CCSER1: variants seen among roughly 807,000 people sequenced by gnomAD.
The protein encoded by CCSER1 is serine-rich coiled-coil domain-containing protein 1.
Under a neutral mutation model 82.0 loss-of-function variants are expected in CCSER1, and 41 were observed. That is an observed-to-expected ratio of 0.50 (90% confidence interval 0.39 to 0.65). CCSER1 has a LOEUF of 0.65. CCSER1 is among the 30% of genes least tolerant of loss of function. The probability of loss-of-function intolerance (pLI) is 0.00; values close to 1 mark genes in which losing one functional copy is unlikely to be tolerated. For missense variants in CCSER1, 1,119 were observed against 1,064.2 expected (o/e 1.05, Z -0.72); for synonymous variants, 414 against 383.9 (o/e 1.08, Z -0.92).
At chr4:91,390,089 T>A (rs1751555046) in intron 10 of CCSER1, among the ~76,000 whole-genome samples, 1 of 152,056 alleles carries the variant, frequency 6.6e-6, no homozygotes, top group South Asian at 2.1e-4. Context: ...GAAAGGGACA[T>A]CCTTGCCTCG....
intron 10 of CCSER1, among the ~76,000 whole-genome samples, chr4:91,100,194 A>C (rs1018702563): frequency 6.6e-5 from 10 of 152,138 alleles, no homozygotes; most frequent in South Asian, 2.1e-4. Flanking sequence ...GCAAGATAAA[A>C]AAAAAATCAG....
rs145138919 is a variant in CCSER1, at chr4:90,531,895, T to C, written c.1724+63541T>C. ...GCATGACTTGTATAACAACATACTT[T>C]CAACAGTTTGTATCAAATGATTTGC... On this transcript the variant is annotated intron_variant, in intron 5 of 10. Coordinates refer to ENST00000509176, the MANE Select transcript of CCSER1 (RefSeq NM_001145065.2). Among the ~76,000 whole-genome samples the C allele has an allele frequency of 7.9e-3, 1,204 of 152,276 alleles. 16 individuals carry two copies. The highest frequency in any genetic ancestry group is 0.012 in the Non-Finnish European group (845 of 68,010).
chr4:90,897,328 A>G lies in CCSER1; in HGVS notation c.2095-26042A>G, dbSNP rs1281828683. Among the ~76,000 whole-genome samples, 5 of 151,828 alleles carry G rather than the reference A, an allele frequency of 3.3e-5. No homozygotes were observed. In the East Asian group the frequency reaches 9.7e-4, roughly 30 times the overall value. On this transcript the variant is annotated intron_variant, in intron 8 of 10. Coordinates refer to ENST00000509176, the MANE Select transcript of CCSER1 (RefSeq NM_001145065.2). ...GAAGTCCCCAATGTCTATTATTTCC[A>G]TCTTTATATCCATGTGTACCCCTTA... is the stretch of plus-strand genomic sequence containing the variant.
chr4:91,555,815 G>T (rs189322021), intron 10 of CCSER1, among the ~76,000 whole-genome samples: 1 of 151,122 alleles, frequency 6.6e-6, no homozygotes, highest in East Asian at 1.9e-4. Context: ...TGTACTTACA[G>T]AGCATGTTTC....
rs188121419 is a variant in CCSER1 at position 91,432,540 on chromosome 4, C to T, written c.2218-166032C>T. ...TTATGAGAGTGTCTGTTTCCTATAC[C>T]CTCATCTAGAGAATATGCTATCAAA... On this transcript the variant is annotated intron_variant, in intron 10 of 10. Coordinates refer to ENST00000509176, the MANE Select transcript of CCSER1 (RefSeq NM_001145065.2). Among the ~76,000 whole-genome samples the T allele has an allele frequency of 8.7e-4, 133 of 152,064 alleles. 2 individuals carry two copies. The highest frequency in any genetic ancestry group is 2.6e-4 in the Non-Finnish European group (18 of 67,958).
At chr4:90,721,897 A>C (rs1412483360) in intron 6 of CCSER1, among the ~76,000 whole-genome samples, 2 of 151,312 alleles carry the variant, frequency 1.3e-5, no homozygotes, top group Non-Finnish European at 3.0e-5. Context: ...TTATCTCAAT[A>C]TTTCCTCAGA....
At chr4:90,275,703 GT>G (rs1259286225) in intron 1 of CCSER1, among the ~76,000 whole-genome samples, 1 of 152,128 alleles carries the variant, frequency 6.6e-6, no homozygotes, top group Non-Finnish European at 1.5e-5. Flanking sequence ...TATTAGAAAA[GT>G]TTTGAATACA....
chr4:90,194,939 T>A (rs140371543), intron 1 of CCSER1, among the ~76,000 whole-genome samples: 253 of 152,206 alleles, frequency 1.7e-3, no homozygotes, highest in African/African-American at 5.8e-3. Flanking sequence ...TTCAGAAATA[T>A]AGAAAATGTT....
intron 10 of CCSER1, among the ~76,000 whole-genome samples, chr4:91,368,033 C>T (rs1287536067): frequency 6.6e-6 from 1 of 152,014 alleles, no homozygotes; most frequent in African/African-American, 2.4e-5. Flanking sequence ...TACAATTTTC[C>T]TATGTGGATA....
intron 1 of CCSER1, among the ~76,000 whole-genome samples, chr4:90,170,223 C>G (rs1420415763): frequency 6.6e-6 from 1 of 151,982 alleles, no homozygotes; most frequent in Non-Finnish European, 1.5e-5. Context: ...AATAATTTGC[C>G]TCATGCTATT....
intron 10 of CCSER1, among the ~76,000 whole-genome samples, chr4:91,471,793 C>G (rs1757287449): frequency 6.6e-6 from 1 of 151,716 alleles, no homozygotes; most frequent in Non-Finnish European, 1.5e-5. Context: ...TACAGTGAAA[C>G]CTTGTCTCTA....
At chr4:90,533,154 C>G (rs1355726585) in intron 5 of CCSER1, among the ~76,000 whole-genome samples, 2 of 144,918 alleles carry the variant, frequency 1.4e-5, no homozygotes, top group Non-Finnish European at 3.0e-5. Context: ...TGCAGCAGCG[C>G]GATCTCGGCT....
At chr4:90,319,182 T>C (rs1425784451) in intron 3 of CCSER1, among the ~76,000 whole-genome samples, 3 of 152,086 alleles carry the variant, frequency 2.0e-5, no homozygotes, top group Non-Finnish European at 2.9e-5. Context: ...TGAAAGAAAG[T>C]TGGGACAGTA....
chr4:90,302,218 A>G (rs1271462069), intron 1 of CCSER1, among the ~76,000 whole-genome samples: 1 of 152,192 alleles, frequency 6.6e-6, no homozygotes, highest in Non-Finnish European at 1.5e-5. Context: ...TAAAGCAAGG[A>G]GAAATGGTTT....
intron 9 of CCSER1, among the ~76,000 whole-genome samples, chr4:91,022,283 G>A (rs1157828493): frequency 2.6e-5 from 4 of 151,622 alleles, no homozygotes; most frequent in Non-Finnish European, 5.9e-5. Context: ...ATAGTTTGCT[G>A]AGAATGATGG....
At chr4:90,480,859 G>A (rs1169094579) in intron 5 of CCSER1, among the ~76,000 whole-genome samples, 15 of 152,244 alleles carry the variant, frequency 9.9e-5, no homozygotes, top group African/African-American at 3.4e-4. Context: ...GTGGCAATGC[G>A]GGCTCTTTTT....
At chr4:91,493,670 C>T (rs138479154) in intron 10 of CCSER1, among the ~76,000 whole-genome samples, 11 of 151,678 alleles carry the variant, frequency 7.3e-5, no homozygotes, top group Admixed American at 2.0e-4. Flanking sequence ...GGCATTTTAG[C>T]ATGTCCTTCT....
At chr4:91,400,417 T>A (rs1364563800) in intron 10 of CCSER1, among the ~76,000 whole-genome samples, 2 of 151,354 alleles carry the variant, frequency 1.3e-5, no homozygotes, top group African/African-American at 4.8e-5. Context: ...TAAATAAAAT[T>A]ATGTAATAGA....
intron 10 of CCSER1, among the ~76,000 whole-genome samples, chr4:91,477,819 G>C (rs1467345705): frequency 1.3e-5 from 2 of 151,606 alleles, no homozygotes. Flanking sequence ...ATCAACAATG[G>C]CTTGGGTAGT....
Sources: allele counts gnomAD v4.1 joint callset (sites outside exome capture counted in the v4.1 genomes callset), GRCh38; gene constraint gnomAD v4.1.1; transcripts MANE v1.5; gene names NCBI Gene and HGNC (gene_info 2026-07-23, HGNC 2026-07-21).